The following MPHOSPH8 variants were observed in gnomAD, a reference collection of about 807,000 sequenced individuals.
The protein encoded by MPHOSPH8 is M-phase phosphoprotein, mpp.
In MPHOSPH8, 45 loss-of-function variants were observed where a neutral mutation model predicts 87.3. The ratio of observed to expected loss-of-function variants is 0.52; its 90% CI spans 0.41 to 0.66. The LOEUF is 0.66. Ranked by LOEUF, MPHOSPH8 falls within the 30% of genes least tolerant of loss-of-function variation. The pLI, the probability that MPHOSPH8 is intolerant of heterozygous loss-of-function variation, is 0.00. For missense variants in MPHOSPH8, 883 were observed against 1,020.2 expected, an observed-to-expected ratio of 0.87 and a Z score of 1.83; for synonymous variants, 366 against 376.9, an observed-to-expected ratio of 0.97 and a Z score of 0.33.
intron 2 of MPHOSPH8, among the ~76,000 whole-genome samples, chr13:19,646,030 C>T (rs112787079): frequency 6.1e-4 from 93 of 152,180 alleles, no homozygotes; most frequent in African/African-American, 2.2e-3. Context: ...AAGGACATTC[C>T]AGGATCCAGG....
chr13:19,646,746 A>G lies in MPHOSPH8; in HGVS notation c.673A>G (p.Lys225Glu). The G allele has an allele frequency of 1.3e-6, 2 of 1,584,110 alleles. No individual in the cohort carries two copies. The highest frequency in any genetic ancestry group is 1.7e-6 in the Non-Finnish European group (2 of 1,168,982). ...KPKKDEVKET[K>E]ELKKVKKGEI... Reference sequence around the variant, plus strand: ...CAAAAAAGATGAAGTAAAAGAAACAAAAGAATTAAAGAAAGTTAAAAAGGG... The same window carrying G: ...CAAAAAAGATGAAGTAAAAGAAACAGAAGAATTAAAGAAAGTTAAAAAGGG... Residue 225 changes from lysine (K) to glutamate (E), a missense_variant, in exon 3 of 14, where the codon AAA becomes GAA. Coordinates refer to ENST00000361479, the MANE Select transcript of MPHOSPH8 (RefSeq NM_017520.4).
At chr13:19,671,371 C>T in intron 13 of MPHOSPH8, 82 bp downstream of exon 13, 1 of 1,305,206 alleles carries the variant, frequency 7.7e-7, no homozygotes, top group Non-Finnish European at 1.1e-6. Flanking sequence ...AAAAAAATTC[C>T]AAGAATCCTG....
chr13:19,647,209 T>C lies in MPHOSPH8; in HGVS notation c.1136T>C (p.Met379Thr). 6.2e-7 allele frequency: 1 copy of C among 1,614,144 alleles called. No homozygotes were observed. Among genetic ancestry groups the C allele is most frequent in the South Asian group, 1.1e-5 (1 of 91,078 alleles). The stretch of plus-strand genomic sequence containing the variant: ...AGTGCTGCAGAGTTAGAGAAGCTGA[T>C]GCCTGTATCTGCCCAAACGCCAAAG... ...SKSAAELEKL[M>T]PVSAQTPKGR... The change falls in exon 3 of 14, where the codon ATG becomes ACG. Residue 379 changes from methionine to threonine, a missense_variant. By Grantham distance (81) the Met-to-Thr change is moderately conservative (BLOSUM62 -1). Around this residue, in one of 3 missense-constraint regions of MPHOSPH8, gnomAD observed 741 missense variants for 841.5 expected, o/e 0.88. Coordinates refer to ENST00000361479, the MANE Select transcript of MPHOSPH8 (RefSeq NM_017520.4).
At chr13:19,644,828 GTTGAGT>G (rs1424191141) in intron 2 of MPHOSPH8, among the ~76,000 whole-genome samples, 1 of 152,162 alleles carries the variant, frequency 6.6e-6, no homozygotes, top group African/African-American at 2.4e-5. Flanking sequence ...TTGATGACCA[GTTGAGT>G]TTATTTGTCT....
chr13:19,641,175 A>G (rs1453541414), intron 1 of MPHOSPH8, among the ~76,000 whole-genome samples: 1 of 152,104 alleles, frequency 6.6e-6, no homozygotes, highest in Non-Finnish European at 1.5e-5. Context: ...TGTTTTCCAC[A>G]CCAGGGTCTG....
At chr13:19,657,103 C>T (rs1209802239) in intron 5 of MPHOSPH8, among the ~76,000 whole-genome samples, 1 of 85,192 alleles carries the variant, frequency 1.2e-5, no homozygotes, top group East Asian at 3.9e-4. Flanking sequence ...GCCTGGGCAA[C>T]AGCACAAAAC....
At chr13:19,665,647 T>G (rs1372103076) in intron 9 of MPHOSPH8, among the ~76,000 whole-genome samples, 1 of 152,078 alleles carries the variant, frequency 6.6e-6, no homozygotes, top group Non-Finnish European at 1.5e-5. Flanking sequence ...GTGTGGCGGC[T>G]CCTCCTAGGG....
At chr13:19,639,082 CAAAA>C (rs201170839) in intron 1 of MPHOSPH8, among the ~76,000 whole-genome samples, 13 of 133,128 alleles carry the variant, frequency 9.8e-5, no homozygotes, top group African/African-American at 2.6e-4. Flanking sequence ...GACTCCGTCT[CAAAA>C]AAAAAAAAAA....
intron 7 of MPHOSPH8, chr13:19,659,574 G>T: frequency 2.6e-6 from 1 of 384,230 alleles, no homozygotes; most frequent in South Asian, 2.4e-5. Context: ...TGAGGTGACA[G>T]GATCACCTGA....
chr13:19,643,758 CCT>C (rs935884622), intron 2 of MPHOSPH8, among the ~76,000 whole-genome samples: 29 of 152,074 alleles, frequency 1.9e-4, no homozygotes, highest in African/African-American at 6.5e-4. Flanking sequence ...CATACCAGCC[CCT>C]GTGTCCTGGC....
chr13:19,647,251 G>C lies in MPHOSPH8; in HGVS notation c.1178G>C (p.Gly393Ala). 1 of 1,611,084 alleles carries C rather than the reference G, an allele frequency of 6.2e-7. No homozygotes were observed. ...AQTPKGRRLS[G>A]EERGLWSTDS... The stretch of plus-strand genomic sequence containing the variant: ...ACGCCAAAGGGCCGGAGGTTGAGCG[G>C]GGAAGAGAGAGGCCTCTGGTCCACG... Residue 393 changes from glycine (G) to alanine (A), a missense_variant, in exon 3 of 14, where the codon GGG becomes GCG. By Grantham distance (60) the Gly-to-Ala change is moderately conservative. Transcript: ENST00000361479.
chr13:19,637,616 C>T (rs1282234471), intron 1 of MPHOSPH8, among the ~76,000 whole-genome samples: 2 of 145,948 alleles, frequency 1.4e-5, no homozygotes, highest in Non-Finnish European at 3.0e-5. Context: ...TGAGCCACCG[C>T]TCCTGGCTCT....
chr13:19,657,497 G>C lies in MPHOSPH8; in HGVS notation c.1577-1498G>C, dbSNP rs148278966. On this transcript the variant is annotated intron_variant, in intron 5 of 13. Transcript: ENST00000361479. ...GCACAGAAATCACATGAACCTGGGA[G>C]GTGGAGGTTGCAGTGAGCCGAGATG... 8.7e-3 allele frequency among the ~76,000 whole-genome samples: 1,327 copies of C among 151,732 alleles called. 8 individuals carry two copies. Among genetic ancestry groups the C allele is most frequent in the Non-Finnish European group, 0.012 (790 of 67,906 alleles).
intron 2 of MPHOSPH8, among the ~76,000 whole-genome samples, chr13:19,644,860 G>A (rs534543819): frequency 1.4e-4 from 22 of 152,062 alleles, no homozygotes; most frequent in Non-Finnish European, 2.4e-4. Flanking sequence ...GTGACTTGGG[G>A]TCTTTTTGCC....
chr13:19,650,320 A>T, intron 5 of MPHOSPH8, 60 bp downstream of exon 5: 2 of 1,529,990 alleles, frequency 1.3e-6, no homozygotes, highest in Non-Finnish European at 1.8e-6. Context: ...ATTTTACTGT[A>T]CTCTTCTCTG....
At chr13:19,668,336 T>A in intron 10 of MPHOSPH8, 41 bp from the exon 11 acceptor site, 1 of 1,581,758 alleles carries the variant, frequency 6.3e-7, no homozygotes, top group Non-Finnish European at 8.6e-7. Flanking sequence ...TTGTGGTTCT[T>A]TTCTACATTA....
Position 19,647,136 on chromosome 13 carries a change from G to A in MPHOSPH8, c.1063G>A (p.Glu355Lys). 1 of 1,614,092 alleles carries A rather than the reference G, an allele frequency of 6.2e-7. No individual in the cohort carries two copies. ...GCTAGAGAACAAGAACGCTTTCTTA[G>A]AGAAGAAAACTGTGCCTAAAAAGCA... ...RKLENKNAFLEKKTVPKKQRN... is the reference protein window; with the variant it reads ...RKLENKNAFLKKKTVPKKQRN... Residue 355 changes from glutamate to lysine, a missense_variant, in exon 3 of 14, where the codon GAG (glutamate) becomes AAG (lysine). Glu to Lys is a moderately conservative substitution (Grantham distance 56). Around this residue, in one of 3 missense-constraint regions of MPHOSPH8, gnomAD observed 741 missense variants for 841.5 expected, o/e 0.88. Transcript: ENST00000361479.
At chr13:19,665,993 T>C (rs183128094) in intron 9 of MPHOSPH8, among the ~76,000 whole-genome samples, 5 of 152,240 alleles carry the variant, frequency 3.3e-5, no homozygotes, top group Admixed American at 1.3e-4. Context: ...TGAGACAAAG[T>C]TGTCTACAGT....
intron 5 of MPHOSPH8, among the ~76,000 whole-genome samples, chr13:19,658,411 A>G (rs530539563): frequency 6.6e-6 from 1 of 152,302 alleles, no homozygotes; most frequent in East Asian, 1.9e-4. Flanking sequence ...GGCTGAACAC[A>G]TGCGTCCTCA....
Sources: gnomAD v4.1 joint callset for allele counts (sites outside exome capture counted in the v4.1 genomes callset) on GRCh38, gnomAD v4.1.1 for gene constraint, gnomAD v4.1.1 regional missense constraint, MANE v1.5 for transcripts, NCBI Gene and HGNC (gene_info 2026-07-23, HGNC 2026-07-21) for gene names.